SLC24A4: variants seen among roughly 807,000 people sequenced by gnomAD.
The protein encoded by SLC24A4 is solute carrier family 24 member 4, also known as sodium/potassium/calcium exchanger 4.
SLC24A4 carries 53 observed loss-of-function variants against 79.0 expected under a neutral mutation model. The ratio of observed to expected loss-of-function variants is 0.67; its 90% confidence interval spans 0.54 to 0.84. The LOEUF is 0.84. SLC24A4 is among the 40% of genes least tolerant of loss of function. The pLI, the probability that SLC24A4 is intolerant of heterozygous loss-of-function variation, is 0.00. For synonymous variants in SLC24A4, 323 were observed against 323.8 expected, an observed-to-expected ratio of 1.00 and a Z score of 0.03; for missense variants, 731 against 822.0, an observed-to-expected ratio of 0.89 and a Z score of 1.35.
rs543125465 is a variant in SLC24A4, at chr14:92,329,957, G to A, written c.241+3979G>A. Among the ~76,000 whole-genome samples, 7 of 152,344 alleles carry A rather than the reference G, an allele frequency of 4.6e-5. No individual in the cohort carries two copies. The East Asian group carries it at 7.7e-4, about 17-fold the overall frequency. On this transcript the variant is annotated intron_variant, in intron 2 of 16. Transcript: ENST00000532405. ...TTAAGATCACCTCAAGAGCTTTATA[G>A]GAATCTTTTGAAATGCCCAGGCCCC...
chr14:92,486,617 T>A, intron 13 of SLC24A4, 49 bp from the exon 14 acceptor site: 2 of 1,184,664 alleles, frequency 1.7e-6, no homozygotes, highest in Non-Finnish European at 2.5e-6. Context: ...ATTTCTTTAG[T>A]CCACACACTG....
chr14:92,345,040 G>C (rs1367186852), intron 2 of SLC24A4, among the ~76,000 whole-genome samples: 1 of 152,170 alleles, frequency 6.6e-6, no homozygotes, highest in Non-Finnish European at 1.5e-5. Context: ...AAGGTATCAG[G>C]GGCCTGGCTG....
At chr14:92,438,455 A>G (rs1595280256) in intron 3 of SLC24A4, among the ~76,000 whole-genome samples, 2 of 151,284 alleles carry the variant, frequency 1.3e-5, no homozygotes, top group South Asian at 4.2e-4. Context: ...TACAAAAATA[A>G]TAATAATAAA....
intron 12 of SLC24A4, among the ~76,000 whole-genome samples, chr14:92,463,784 C>A (rs1369183404): frequency 2.0e-5 from 3 of 152,146 alleles, no homozygotes; most frequent in Non-Finnish European, 4.4e-5. Context: ...CCAAAAGGCA[C>A]CCCTCACCCA....
At chr14:92,443,150 C>A (rs976564556) in intron 6 of SLC24A4, among the ~76,000 whole-genome samples, 8 of 152,178 alleles carry the variant, frequency 5.3e-5, no homozygotes, top group African/African-American at 1.9e-4. Flanking sequence ...AGAGCGAGAG[C>A]CTCTGGCCTC....
At chr14:92,447,232 A>G in intron 8 of SLC24A4, 139 bp from the exon 9 acceptor site, 1 of 690,410 alleles carries the variant, frequency 1.4e-6, no homozygotes, top group Non-Finnish European at 2.5e-6. Flanking sequence ...TCTCTCTCAC[A>G]TGCCTGGGTT....
At chr14:92,477,398 AT>A (rs1456048542) in intron 12 of SLC24A4, among the ~76,000 whole-genome samples, 1 of 152,208 alleles carries the variant, frequency 6.6e-6, no homozygotes, top group Non-Finnish European at 1.5e-5. Context: ...TATTTGCAAA[AT>A]GATTTTTTTC....
Position 92,433,165 on chromosome 14 carries a change from A to C in SLC24A4, c.242-747A>C, listed in dbSNP as rs75261418. Among the ~76,000 whole-genome samples the C allele has an allele frequency of 8.5e-3, 1,289 of 151,994 alleles. 23 individuals are homozygous for C. Among genetic ancestry groups the C allele is most frequent in the African/African-American group, 0.03 (1,231 of 41,424 alleles). ...TGTGGTGAGGGTGGGTGGAGATCTG[A>C]GAGTGCCCTAAACAGGATCTGTGAC... On this transcript the variant is annotated intron_variant, in intron 2 of 16. Transcript: ENST00000532405.
chr14:92,378,371 A>G (rs1888639615), intron 2 of SLC24A4, among the ~76,000 whole-genome samples: 1 of 152,170 alleles, frequency 6.6e-6, no homozygotes, highest in South Asian at 2.1e-4. Flanking sequence ...GGTTTTCCAA[A>G]GTGGACCACT....
chr14:92,414,903 A>T (rs1890897679), intron 2 of SLC24A4, among the ~76,000 whole-genome samples: 1 of 152,220 alleles, frequency 6.6e-6, no homozygotes, highest in Non-Finnish European at 1.5e-5. Context: ...GAATCATGTT[A>T]GAGAACATTC....
At position 92,458,970 on chromosome 14, in the gene SLC24A4, C is replaced by T. The variant is rs537743616; in HGVS notation, c.1255+2362C>T. Among the ~76,000 whole-genome samples, 124 of 152,282 alleles carry T rather than the reference C, an allele frequency of 8.1e-4. 1 individual carries two copies. Among genetic ancestry groups the T allele is most frequent in the Admixed American group, 3.7e-3 (57 of 15,300 alleles). On this transcript the variant is annotated intron_variant, in intron 12 of 16. Coordinates refer to ENST00000532405, the MANE Select transcript of SLC24A4 (RefSeq NM_153646.4). ...GGAGCGACTTGCTGTCTGGAGAGTT[C>T]TATGTGCCCCTTCTCCACCCCTTGA...
At chr14:92,389,620 G>A (rs8022236) in intron 2 of SLC24A4, among the ~76,000 whole-genome samples, 67,109 of 151,988 alleles carry the variant, frequency 0.44, 16,399 homozygotes, top group African/African-American at 0.66. Context: ...CCTAGCAATC[G>A]TTATATGGAA....
chr14:92,464,946 G>A (rs1158972865), intron 12 of SLC24A4, among the ~76,000 whole-genome samples: 1 of 152,204 alleles, frequency 6.6e-6, no homozygotes, highest in African/African-American at 2.4e-5. Context: ...CTACACAGCA[G>A]AGTGTCCTCC....
At position 92,328,201 on chromosome 14, in the gene SLC24A4, A is replaced by G. The variant is rs114330510; in HGVS notation, c.241+2223A>G. Among the ~76,000 whole-genome samples, 1,470 of 152,258 alleles carry G rather than the reference A, an allele frequency of 9.7e-3. 18 individuals carry two copies. The highest frequency in any genetic ancestry group is 0.034 in the African/African-American group (1,395 of 41,552). On this transcript the variant is annotated intron_variant, in intron 2 of 16. Transcript: ENST00000532405. ...CTTCCAGCATCTTCCTCCCTGGCCT[A>G]TGAGAATCTCTGCCCCCTTTTCATT...
At chr14:92,375,554 A>C (rs1221706251) in intron 2 of SLC24A4, among the ~76,000 whole-genome samples, 1 of 152,268 alleles carries the variant, frequency 6.6e-6, no homozygotes, top group African/African-American at 2.4e-5. Context: ...AACAATGTCC[A>C]AATGTCTATC....
chr14:92,484,571 T>G (rs1390153002), intron 13 of SLC24A4: 2 of 985,248 alleles, frequency 2.0e-6, no homozygotes, highest in Admixed American at 1.2e-4. Context: ...AAACAAGTCA[T>G]GTAACTCAGG....
chr14:92,474,829 A>ATG (rs1327061695), intron 12 of SLC24A4, among the ~76,000 whole-genome samples: 4 of 87,528 alleles, frequency 4.6e-5, no homozygotes, highest in African/African-American at 1.7e-4. Flanking sequence ...ATACATATAT[A>ATG]TGTGTGTGTG....
rs1159569682 is a variant in SLC24A4, at chr14:92,501,012, T to C, written c.*7384T>C. On this transcript the variant is annotated 3_prime_UTR_variant, in exon 17 of 17. Transcript: ENST00000532405. Reference sequence around the variant, plus strand: ...CTGAGGGAACCTACCAAATAGCAGGTAGATGGAATCAGAGGACTCTTGTGT... The same window carrying C: ...CTGAGGGAACCTACCAAATAGCAGGCAGATGGAATCAGAGGACTCTTGTGT... 1 of 152,136 alleles carries C rather than the reference T, an allele frequency of 6.6e-6. No individual in the cohort carries two copies. 9.4% of individuals were successfully genotyped at this position (152,136 alleles called of 1,614,324 possible). A position where few individuals can be genotyped will look rare whatever the true frequency, so the allele number is the denominator to read the frequency against.
At chr14:92,343,848 G>A (rs1886376280) in intron 2 of SLC24A4, among the ~76,000 whole-genome samples, 1 of 151,886 alleles carries the variant, frequency 6.6e-6, no homozygotes, top group South Asian at 2.1e-4. Flanking sequence ...GACTACAGGT[G>A]TGCACCACTA....
Sources: allele counts gnomAD v4.1 joint callset (sites outside exome capture counted in the v4.1 genomes callset), GRCh38; gene constraint gnomAD v4.1.1; transcripts MANE v1.5; gene names NCBI Gene and HGNC (gene_info 2026-07-23, HGNC 2026-07-21).